Variants in SNX29 observed in about 807,000 individuals in gnomAD.
SNX29 encodes the protein sorting nexin-29.
Under a neutral mutation model 102.1 loss-of-function variants are expected in SNX29, and 78 were observed. The ratio of observed to expected loss-of-function variants is 0.76; its 90% CI spans 0.64 to 0.92. SNX29 has a LOEUF of 0.92. Among genes scored for constraint, SNX29 ranks in the 40% least tolerant of loss-of-function variants. SNX29 has a pLI of 0.00. For missense variants in SNX29, 1,280 were observed against 1,061.7 expected, an observed-to-expected ratio of 1.21 and a Z score of -2.86; for synonymous variants, 580 against 414.5, an observed-to-expected ratio of 1.40 and a Z score of -4.85.
At chr16:12,504,014 A>G (rs1307602781) in intron 19 of SNX29, among the ~76,000 whole-genome samples, 2 of 152,172 alleles carry the variant, frequency 1.3e-5, no homozygotes, top group African/African-American at 4.8e-5. Flanking sequence ...CATCACCACC[A>G]GAAGAAACCC....
At chr16:12,316,877 G>A (rs2080762425) in intron 15 of SNX29, among the ~76,000 whole-genome samples, 1 of 152,218 alleles carries the variant, frequency 6.6e-6, no homozygotes, top group Admixed American at 6.5e-5. Flanking sequence ...CTTTGGGAAG[G>A]TATGGAGGGG....
At chr16:12,117,664 G>C (rs1398444662) in intron 11 of SNX29, among the ~76,000 whole-genome samples, 4 of 152,234 alleles carry the variant, frequency 2.6e-5, no homozygotes, top group Non-Finnish European at 5.9e-5. Context: ...TTGCTTTGGC[G>C]TGGTAGAAAC....
At chr16:12,218,799 C>T (rs1183708906) in intron 14 of SNX29, among the ~76,000 whole-genome samples, 1 of 151,992 alleles carries the variant, frequency 6.6e-6, no homozygotes. Context: ...TTTTTAGACA[C>T]AGTCTCGCTT....
At chr16:12,562,036 G>A (rs978234995) in intron 20 of SNX29, among the ~76,000 whole-genome samples, 1 of 151,994 alleles carries the variant, frequency 6.6e-6, no homozygotes, top group African/African-American at 2.4e-5. Flanking sequence ...ATGGATTTAG[G>A]GATGGAATCA....
At chr16:12,555,462 T>C (rs3135009) in intron 20 of SNX29, among the ~76,000 whole-genome samples, 138,899 of 151,860 alleles carry the variant, frequency 0.91, 64,221 homozygotes, top group Middle Eastern at 0.98. Context: ...GTTTCCCTAG[T>C]TGACATGTCT....
chr16:12,185,169 G>A (rs2076480111), intron 13 of SNX29, among the ~76,000 whole-genome samples: 1 of 152,134 alleles, frequency 6.6e-6, no homozygotes, highest in Non-Finnish European at 1.5e-5. Context: ...ATGCAGTAGG[G>A]GGTCTCAAAC....
rs374061617 is a variant in SNX29, at chr16:12,522,691, A to G, written c.2179-2011A>G. ...TGTGCCTGAGTCCCCTTTGCCTTCC[A>G]CCATGATTGTAAGTTACTGAGGCAT... On this transcript the variant is annotated intron_variant, in intron 19 of 20. Coordinates refer to ENST00000566228, the MANE Select transcript of SNX29 (RefSeq NM_032167.5). Among the ~76,000 whole-genome samples, 15 of 152,134 alleles carry G rather than the reference A, an allele frequency of 9.9e-5. No individual in the cohort carries two copies. In the East Asian group the frequency reaches 2.7e-3, roughly 27 times the overall value.
intron 13 of SNX29, among the ~76,000 whole-genome samples, chr16:12,150,148 C>T (rs2055236177): frequency 6.6e-6 from 1 of 152,062 alleles, no homozygotes; most frequent in Non-Finnish European, 1.5e-5. Flanking sequence ...AGTAATTGAT[C>T]AGATCTGTTC....
chr16:12,388,538 G>A (rs1380805560), intron 16 of SNX29, among the ~76,000 whole-genome samples: 1 of 152,126 alleles, frequency 6.6e-6, no homozygotes, highest in African/African-American at 2.4e-5. Context: ...TTAGGAATTG[G>A]CAAACATTTT....
intron 13 of SNX29, among the ~76,000 whole-genome samples, chr16:12,139,734 C>A (rs1362061698): frequency 6.6e-6 from 1 of 152,052 alleles, no homozygotes; most frequent in Non-Finnish European, 1.5e-5. Context: ...CGCCTATAAT[C>A]CCAGTCCTTT....
At chr16:12,205,709 A>G (rs1009579047) in intron 14 of SNX29, among the ~76,000 whole-genome samples, 26 of 152,102 alleles carry the variant, frequency 1.7e-4, no homozygotes, top group Non-Finnish European at 2.6e-4. Flanking sequence ...CCCTCATTCT[A>G]TCTCCGACTT....
At chr16:12,394,462 T>C (rs571951764) in intron 16 of SNX29, among the ~76,000 whole-genome samples, 5 of 152,344 alleles carry the variant, frequency 3.3e-5, no homozygotes, top group African/African-American at 1.2e-4. Flanking sequence ...TGTCTCTGTA[T>C]GTGAAACCAC....
Position 12,470,172 on chromosome 16 carries a change from A to T in SNX29, c.2038-7547A>T, listed in dbSNP as rs540772840. On this transcript the variant is annotated intron_variant, in intron 18 of 20. Coordinates refer to ENST00000566228, the MANE Select transcript of SNX29 (RefSeq NM_032167.5). ...AGTTTTCACTCTTGAATATTACAAC[A>T]TGCAGAAAAAAGTATTTAGTTTTGA... 6.6e-5 allele frequency among the ~76,000 whole-genome samples: 10 copies of T among 152,346 alleles called. No homozygotes were observed. The East Asian group carries it at 1.9e-3, about 29-fold the overall frequency.
intron 18 of SNX29, among the ~76,000 whole-genome samples, chr16:12,417,040 C>T (rs542938708): frequency 2.6e-5 from 4 of 152,358 alleles, no homozygotes; most frequent in South Asian, 4.1e-4. Flanking sequence ...TAGTGAGATA[C>T]GCTTGAGTAA....
chr16:12,394,087 C>G (rs1159430259), intron 16 of SNX29, among the ~76,000 whole-genome samples: 1 of 152,190 alleles, frequency 6.6e-6, no homozygotes, highest in Non-Finnish European at 1.5e-5. Context: ...GCAAAGCCTC[C>G]TAAGTCTTCC....
At chr16:12,288,678 G>GAAAA (rs532173454) in intron 15 of SNX29, among the ~76,000 whole-genome samples, 1 of 107,014 alleles carries the variant, frequency 9.3e-6, no homozygotes, top group African/African-American at 3.3e-5. Flanking sequence ...GACATCTGGG[G>GAAAA]AAAAAAAAAA....
Position 12,027,460 on chromosome 16 carries a change from G to T in SNX29, c.247+16G>T. ...ACCGAAACAGGTACTGCTCTGCCTG[G>T]CTGTAGCTTGGAGGAGCTTGTCTTC... On this transcript the variant is annotated intron_variant, in intron 4 of 20. Transcript: ENST00000566228. The T allele has an allele frequency of 3.1e-6, 5 of 1,612,844 alleles. No individual in the cohort carries two copies. The highest frequency in any genetic ancestry group is 4.2e-6 in the Non-Finnish European group (5 of 1,179,518).
intron 14 of SNX29, among the ~76,000 whole-genome samples, chr16:12,257,137 A>C (rs1356251127): frequency 6.6e-6 from 1 of 152,138 alleles, no homozygotes; most frequent in African/African-American, 2.4e-5. Flanking sequence ...TGAATGACTA[A>C]GGTTCCCGCT....
chr16:12,158,339 A>G (rs2055641023), intron 13 of SNX29, among the ~76,000 whole-genome samples: 2 of 152,084 alleles, frequency 1.3e-5, no homozygotes, highest in Admixed American at 6.5e-5. Flanking sequence ...AGCTGGGATT[A>G]CAGACGTGCG....
Sources: gnomAD v4.1 joint callset for allele counts (sites outside exome capture counted in the v4.1 genomes callset) on GRCh38, gnomAD v4.1.1 for gene constraint, MANE v1.5 for transcripts, NCBI Gene and HGNC (gene_info 2026-07-23, HGNC 2026-07-21) for gene names.